The following UXS1 variants were observed in gnomAD, a reference collection of about 807,000 sequenced individuals.
UXS1 encodes UDP-glucuronate decarboxylase 1.
A neutral mutation model predicts 62.6 loss-of-function variants in UXS1; 33 were observed. The ratio of observed to expected loss-of-function variants is 0.53; its 90% CI spans 0.40 to 0.70. The LOEUF (loss-of-function observed/expected upper bound fraction) is 0.70. Ranked by LOEUF, UXS1 falls within the 30% of genes least tolerant of loss-of-function variation. The pLI, the probability that UXS1 is intolerant of heterozygous loss-of-function variation, is 0.00. For missense variants in UXS1, 434 were observed against 556.3 expected (o/e 0.78, Z 2.21); for synonymous variants, 213 against 206.8 (o/e 1.03, Z -0.26).
intron 9 of UXS1, among the ~76,000 whole-genome samples, chr2:106,121,747 A>C (rs779568519): frequency 6.6e-6 from 1 of 152,256 alleles, no homozygotes; most frequent in Non-Finnish European, 1.5e-5. Flanking sequence ...AAAGCAGAAA[A>C]GTTTAAATAT....
intron 1 of UXS1, among the ~76,000 whole-genome samples, chr2:106,176,580 G>A (rs1032002182): frequency 6.6e-6 from 1 of 152,220 alleles, no homozygotes; most frequent in Non-Finnish European, 1.5e-5. Flanking sequence ...TGCTGAACGG[G>A]AAGCCGTGCC....
At chr2:106,096,037 G>A (rs1007350825) in intron 14 of UXS1, among the ~76,000 whole-genome samples, 3 of 152,210 alleles carry the variant, frequency 2.0e-5, no homozygotes, top group African/African-American at 4.8e-5. Context: ...AGTCTCGCAC[G>A]CTTCCAACCA....
intron 6 of UXS1, among the ~76,000 whole-genome samples, chr2:106,137,811 A>ATTTAAAAATTAAAATTAAAAT (rs1361163258): frequency 3.9e-5 from 6 of 151,986 alleles, no homozygotes; most frequent in African/African-American, 1.4e-4. Context: ...AATAAATAAA[A>ATTTAAAAATTAAAATTAAAAT]TTTAAAAATT....
At chr2:106,164,088 T>TA (rs776405943) in intron 3 of UXS1, among the ~76,000 whole-genome samples, 16 of 152,228 alleles carry the variant, frequency 1.1e-4, no homozygotes, top group Non-Finnish European at 2.1e-4. Flanking sequence ...TTACTGTGTA[T>TA]ACTCATGTTA....
chr2:106,112,182 T>G (rs980644303), intron 10 of UXS1, among the ~76,000 whole-genome samples: 1 of 152,142 alleles, frequency 6.6e-6, no homozygotes, highest in African/African-American at 2.4e-5. Flanking sequence ...TCCAGAAGTC[T>G]CCCTGGGTTG....
chr2:106,158,767 C>A (rs4012753), intron 4 of UXS1, among the ~76,000 whole-genome samples: 132,467 of 152,156 alleles, frequency 0.87, 58,155 homozygotes, highest in Non-Finnish European at 0.94. Flanking sequence ...TATGTTGCTT[C>A]CTGCCCCAGG....
At chr2:106,097,020 G>A in intron 13 of UXS1, 199 bp from the exon 14 acceptor site, 1 of 692,008 alleles carries the variant, frequency 1.4e-6, no homozygotes, top group Non-Finnish European at 2.6e-6. Context: ...TGCAACTGCT[G>A]TGGCCAAGCT....
At chr2:106,109,540 C>A (rs1204283719) in intron 10 of UXS1, among the ~76,000 whole-genome samples, 7 of 152,150 alleles carry the variant, frequency 4.6e-5, no homozygotes, top group African/African-American at 1.7e-4. Flanking sequence ...GCAGAATGAC[C>A]CCTCCTGTGA....
At chr2:106,169,262 A>G (rs1325856884) in intron 1 of UXS1, among the ~76,000 whole-genome samples, 2 of 152,218 alleles carry the variant, frequency 1.3e-5, no homozygotes, top group African/African-American at 4.8e-5. Flanking sequence ...TTTACTGAGA[A>G]TAAGTATTCC....
In UXS1 at chr2:106,158,233, C is replaced by T. The variant is rs545798885; in HGVS notation, c.231-115G>A. Reference sequence around the variant, plus strand: ...TGGGACTGTTATTGTTTGCTCTTCTCTCCACTCTTGAATGAGTGCTGGAGA... The same window carrying T: ...TGGGACTGTTATTGTTTGCTCTTCTTTCCACTCTTGAATGAGTGCTGGAGA... On this transcript the variant is annotated intron_variant, in intron 4 of 14. Transcript: ENST00000283148. The T allele has an allele frequency of 1.9e-5, 17 of 895,262 alleles. No homozygotes were observed. The East Asian group carries it at 3.7e-4, about 20-fold the overall frequency. The allele number at this position is 895,262 out of a possible 1,614,324, so 55.5% of individuals were successfully genotyped here. A position where few individuals can be genotyped will look rare whatever the true frequency, so the allele number is the denominator to read the frequency against.
chr2:106,173,187 AT>A (rs1222984267), intron 1 of UXS1, among the ~76,000 whole-genome samples: 2 of 152,206 alleles, frequency 1.3e-5, no homozygotes, highest in African/African-American at 4.8e-5. Context: ...CGAACATAGT[AT>A]GTGCTCCCTA....
chr2:106,125,422 T>C (rs1432549265), intron 8 of UXS1, among the ~76,000 whole-genome samples, 198 bp downstream of exon 8: 1 of 152,236 alleles, frequency 6.6e-6, no homozygotes, highest in Non-Finnish European at 1.5e-5. Flanking sequence ...CCTCCAGTGA[T>C]GTGTGATCAA....
intron 1 of UXS1, among the ~76,000 whole-genome samples, chr2:106,178,627 T>C (rs777417072): frequency 1.3e-5 from 2 of 152,154 alleles, no homozygotes; most frequent in Non-Finnish European, 2.9e-5. Context: ...TGTGTATATA[T>C]GTTAGAGTGT....
At chr2:106,178,465 TACATAC>T (rs1684029795) in intron 1 of UXS1, among the ~76,000 whole-genome samples, 1 of 151,956 alleles carries the variant, frequency 6.6e-6, no homozygotes, top group Admixed American at 6.6e-5. Context: ...TGTGTGTATA[TACATAC>T]AAGTGTGTGT....
intron 1 of UXS1, among the ~76,000 whole-genome samples, chr2:106,169,010 G>A (rs1683378778): frequency 6.6e-6 from 1 of 152,144 alleles, no homozygotes; most frequent in South Asian, 2.1e-4. Flanking sequence ...TTTTAAAAAA[G>A]GAGGGAAGAG....
At chr2:106,114,705 A>T (rs1349529012) in intron 9 of UXS1, among the ~76,000 whole-genome samples, 1 of 152,188 alleles carries the variant, frequency 6.6e-6, no homozygotes, top group African/African-American at 2.4e-5. Flanking sequence ...ACCCATAAAC[A>T]GGCTTGCTTG....
intron 1 of UXS1, among the ~76,000 whole-genome samples, chr2:106,182,055 G>C (rs1322539141): frequency 2.0e-5 from 3 of 152,188 alleles, no homozygotes; most frequent in African/African-American, 4.8e-5. Flanking sequence ...ACTTGATCTT[G>C]ATGTAGAATG....
Position 106,163,719 on chromosome 2 carries a change from A to C in UXS1, c.187-9T>G, listed in dbSNP as rs1683047144. On this transcript the variant is annotated splice_polypyrimidine_tract_variant and intron_variant, in intron 3 of 14. Transcript: ENST00000283148. ...CTTAGTGGTTCAACCATCTAGAACA[A>C]TAATAACAAAAATCAGTTTTAAAGC... is the stretch of plus-strand genomic sequence containing the variant. 1 of 1,424,158 alleles carries C rather than the reference A, an allele frequency of 7.0e-7. No homozygotes were observed. Among genetic ancestry groups the C allele is most frequent in the Non-Finnish European group, 9.3e-7 (1 of 1,078,754 alleles). The allele number at this position is 1,424,158 out of a possible 1,614,324, so 88.2% of individuals were successfully genotyped here.
At chr2:106,094,238 G>A in intron 14 of UXS1, 81 bp from the exon 15 acceptor site, 1 of 1,597,806 alleles carries the variant, frequency 6.3e-7, no homozygotes, top group Non-Finnish European at 8.5e-7. Context: ...CACCTTGCAG[G>A]AAGGAAGTGC....
Sources: gnomAD v4.1 joint callset for allele counts (sites outside exome capture counted in the v4.1 genomes callset) on GRCh38, gnomAD v4.1.1 for gene constraint, MANE v1.5 for transcripts, NCBI Gene and HGNC (gene_info 2026-07-23, HGNC 2026-07-21) for gene names.